The following PCDH15 variants were observed in gnomAD, a reference collection of about 807,000 sequenced individuals.
PCDH15 encodes protocadherin-15.
Under a neutral mutation model 178.5 loss-of-function variants are expected in PCDH15, and 129 were observed. That is an observed-to-expected ratio of 0.72 (90% CI 0.63 to 0.84). PCDH15 has a LOEUF of 0.84. Ranked by LOEUF, PCDH15 falls within the 40% of genes least tolerant of loss-of-function variation. PCDH15 has a pLI of 0.00. For missense variants in PCDH15, 2,230 were observed against 2,099.9 expected (o/e 1.06, Z -1.21); for synonymous variants, 800 against 732.0 (o/e 1.09, Z -1.50).
intron 20 of PCDH15, among the ~76,000 whole-genome samples, chr10:54,004,103 A>ACCCAAAAG (rs1486574959): frequency 1.3e-5 from 2 of 151,060 alleles, no homozygotes; most frequent in South Asian, 2.1e-4. Context: ...CATGATAAAA[A>ACCCAAAAG]CCCTCAAAAA....
chr10:54,289,290 GA>G (rs2059240729), intron 8 of PCDH15, among the ~76,000 whole-genome samples: 1 of 152,140 alleles, frequency 6.6e-6, no homozygotes, highest in Non-Finnish European at 1.5e-5. Flanking sequence ...CTGAATGTTA[GA>G]AATAAAACTA....
chr10:55,189,765 A>C (rs189111241), intron 1 of PCDH15, among the ~76,000 whole-genome samples: 1 of 151,994 alleles, frequency 6.6e-6, no homozygotes, highest in Non-Finnish European at 1.5e-5. Flanking sequence ...GTAGACTAAT[A>C]ATAAATGTTG....
intron 1 of PCDH15, among the ~76,000 whole-genome samples, chr10:54,679,954 A>G (rs1020310659): frequency 6.6e-5 from 10 of 152,214 alleles, no homozygotes; most frequent in African/African-American, 2.4e-4. Context: ...TAAGATTTCT[A>G]TGCATATGTG....
At chr10:55,071,548 T>A (rs1232522425) in intron 2 of PCDH15, among the ~76,000 whole-genome samples, 1 of 152,116 alleles carries the variant, frequency 6.6e-6, no homozygotes, top group Non-Finnish European at 1.5e-5. Context: ...AAGAGCTAAC[T>A]ATCCTAAATA....
chr10:54,404,173 T>C (rs996701816), intron 3 of PCDH15, among the ~76,000 whole-genome samples: 16 of 151,784 alleles, frequency 1.1e-4, no homozygotes, highest in Admixed American at 6.6e-4. Flanking sequence ...TCTATTTTAA[T>C]ATTAATATTC....
At chr10:55,269,196 G>C (rs1842376349) in intron 1 of PCDH15, among the ~76,000 whole-genome samples, 1 of 151,952 alleles carries the variant, frequency 6.6e-6, no homozygotes, top group Admixed American at 6.6e-5. Context: ...GCAAAAGCTG[G>C]AAACATTACC....
At chr10:54,809,207 T>G (rs1952825226) in intron 3 of PCDH15, among the ~76,000 whole-genome samples, 1 of 152,162 alleles carries the variant, frequency 6.6e-6, no homozygotes, top group African/African-American at 2.4e-5. Context: ...CGTACAATCT[T>G]AATCCAGCCC....
At chr10:53,883,401 A>AT (rs1283705994) in intron 26 of PCDH15, among the ~76,000 whole-genome samples, 7 of 152,056 alleles carry the variant, frequency 4.6e-5, no homozygotes, top group African/African-American at 1.2e-4. Flanking sequence ...AAAGAGATAT[A>AT]TTTTTTTCTT....
chr10:55,135,491 G>A (rs1303360063), intron 2 of PCDH15, among the ~76,000 whole-genome samples: 1 of 150,194 alleles, frequency 6.7e-6, no homozygotes, highest in Non-Finnish European at 1.5e-5. Context: ...GCTGTCTCAA[G>A]CCATTTTCAG....
intron 2 of PCDH15, among the ~76,000 whole-genome samples, chr10:55,569,677 A>T (rs1305189886): frequency 6.6e-6 from 1 of 151,972 alleles, no homozygotes; most frequent in Non-Finnish European, 1.5e-5. Flanking sequence ...GGTGAGTCCT[A>T]CATTACTGAA....
At chr10:55,600,160 C>T (rs994165822) in intron 2 of PCDH15, 27 of 290,290 alleles carry the variant, frequency 9.3e-5, no homozygotes, top group Non-Finnish European at 1.6e-4. Context: ...GTCAGGAGAT[C>T]GAGACCATCC....
chr10:55,323,052 C>A (rs1843945200), upstream of PCDH15, among the ~76,000 whole-genome samples: 1 of 152,140 alleles, frequency 6.6e-6, no homozygotes, highest in Non-Finnish European at 1.5e-5. Context: ...CTAAAAGGGG[C>A]CAACTTGAAG....
intron 5 of PCDH15, among the ~76,000 whole-genome samples, chr10:54,351,059 G>A (rs11004250): frequency 0.28 from 42,577 of 151,728 alleles, 7,525 homozygotes; most frequent in Non-Finnish European, 0.4. Context: ...AGCTGAGATC[G>A]TGGCACTGCA....
At chr10:54,243,281 G>A (rs536165461) in intron 8 of PCDH15, among the ~76,000 whole-genome samples, 4 of 152,200 alleles carry the variant, frequency 2.6e-5, no homozygotes, top group Non-Finnish European at 5.9e-5. Flanking sequence ...AGGCCAAGGC[G>A]GGCAGATCAC....
intron 1 of PCDH15, among the ~76,000 whole-genome samples, chr10:54,744,579 T>TA (rs1266805356): frequency 6.6e-6 from 1 of 152,044 alleles, no homozygotes; most frequent in African/African-American, 2.4e-5. Context: ...AATTACTCAG[T>TA]AAAAAATTAG....
chr10:54,688,869 C>T (rs2095063409), intron 1 of PCDH15, among the ~76,000 whole-genome samples: 1 of 152,114 alleles, frequency 6.6e-6, no homozygotes, highest in Non-Finnish European at 1.5e-5. Context: ...CAAAGCTTTA[C>T]TTGTTCATTG....
intron 2 of PCDH15, among the ~76,000 whole-genome samples, chr10:54,905,087 C>T (rs1954697458): frequency 6.6e-6 from 1 of 151,944 alleles, no homozygotes; most frequent in African/African-American, 2.4e-5. Flanking sequence ...GAGAAGTTGT[C>T]TGAGGTCCCA....
intron 9 of PCDH15, among the ~76,000 whole-genome samples, chr10:54,235,212 G>A (rs2054504608): frequency 6.6e-6 from 1 of 152,048 alleles, no homozygotes; most frequent in South Asian, 2.1e-4. Flanking sequence ...TCATATGATC[G>A]ATTTTTCCCA....
intron 1 of PCDH15, among the ~76,000 whole-genome samples, chr10:55,281,173 A>T (rs1186632127): frequency 6.6e-6 from 1 of 152,182 alleles, no homozygotes. Flanking sequence ...ATCCCAAGTA[A>T]TAGGAAGCCA....
Sources: allele counts gnomAD v4.1 joint callset (sites outside exome capture counted in the v4.1 genomes callset), GRCh38; gene constraint gnomAD v4.1.1; transcripts MANE v1.5; gene names NCBI Gene and HGNC (gene_info 2026-07-23, HGNC 2026-07-21).